CSTPP1: variants seen among roughly 807,000 people sequenced by gnomAD.
CSTPP1 encodes centriolar satellite-associated tubulin polyglutamylase complex regulator 1, also known as UPF0705 protein C11orf49.
chr11:46,969,011 C>T, the CSTPP1 span, among the ~76,000 whole-genome samples: 1 of 152,154 alleles, frequency 6.6e-6, no homozygotes, highest in Non-Finnish European at 1.5e-5. Context: ...AAACACTGTT[C>T]TTAGGCCTCT....
the CSTPP1 span, among the ~76,000 whole-genome samples, chr11:47,112,522 A>G: frequency 6.6e-6 from 1 of 152,076 alleles, no homozygotes; most frequent in Non-Finnish European, 1.5e-5. Flanking sequence ...GGTTTTCACC[A>G]TGTTGGCCAG....
the CSTPP1 span, among the ~76,000 whole-genome samples, chr11:47,157,433 C>T: frequency 6.6e-6 from 1 of 152,178 alleles, no homozygotes; most frequent in African/African-American, 2.4e-5. Flanking sequence ...CAGGCAAGAC[C>T]ACTGTAGTTG....
the CSTPP1 span, among the ~76,000 whole-genome samples, chr11:46,961,708 T>C: frequency 6.5e-3 from 983 of 152,320 alleles, 9 homozygotes; most frequent in African/African-American, 0.023. Context: ...GTATTAGCTT[T>C]TACATTTAGG....
the CSTPP1 span, among the ~76,000 whole-genome samples, chr11:46,989,960 C>A: frequency 6.6e-6 from 1 of 152,062 alleles, no homozygotes. Context: ...ATCCATGTTG[C>A]TACAAAGGAC....
the CSTPP1 span, among the ~76,000 whole-genome samples, chr11:47,113,274 T>C: frequency 6.6e-6 from 1 of 152,230 alleles, no homozygotes; most frequent in African/African-American, 2.4e-5. Flanking sequence ...AAGTCTTTGC[T>C]ATTGTGAATA....
At chr11:46,952,875 T>C in the CSTPP1 span, among the ~76,000 whole-genome samples, 9 of 152,376 alleles carry the variant, frequency 5.9e-5, no homozygotes, top group South Asian at 1.9e-3. Flanking sequence ...GAGGTAACTT[T>C]GCTGCTAAAT....
At chr11:47,161,557 C>G in the CSTPP1 span, 31 of 1,614,028 alleles carry the variant, frequency 1.9e-5, no homozygotes, top group Non-Finnish European at 2.5e-5. Context: ...TTGGCTCTCC[C>G]TGGAGACCTC....
the CSTPP1 span, among the ~76,000 whole-genome samples, chr11:47,017,234 GCGCAATCTTGGCT>G: frequency 6.8e-6 from 1 of 147,368 alleles, no homozygotes; most frequent in Non-Finnish European, 1.5e-5. Flanking sequence ...GAGTGCAGTG[GCGCAATCTTGGCT>G]CACTGCAACC....
At chr11:47,093,786 G>A in the CSTPP1 span, among the ~76,000 whole-genome samples, 3 of 152,208 alleles carry the variant, frequency 2.0e-5, no homozygotes, top group African/African-American at 7.2e-5. Flanking sequence ...GATAATGCAT[G>A]AGAATTGTCT....
the CSTPP1 span, among the ~76,000 whole-genome samples, chr11:47,140,853 C>T: frequency 2.6e-5 from 4 of 152,068 alleles, no homozygotes; most frequent in African/African-American, 9.7e-5. Context: ...GTAATCCCAG[C>T]ACTTTGGGAG....
chr11:47,012,697 A>G, the CSTPP1 span, among the ~76,000 whole-genome samples: 1 of 152,114 alleles, frequency 6.6e-6, no homozygotes, highest in African/African-American at 2.4e-5. Flanking sequence ...TGGATTCACG[A>G]TGGGAGCCCT....
chr11:47,067,126 T>C, the CSTPP1 span, among the ~76,000 whole-genome samples: 2 of 152,328 alleles, frequency 1.3e-5, no homozygotes, highest in Admixed American at 1.3e-4. Context: ...TAGCTTCAAA[T>C]ACTAATAGAT....
chr11:47,058,493 A>G, the CSTPP1 span, among the ~76,000 whole-genome samples: 1 of 152,238 alleles, frequency 6.6e-6, no homozygotes, highest in Non-Finnish European at 1.5e-5. Flanking sequence ...AATCATATAA[A>G]TATGCTTAAG....
chr11:47,083,239 T>C, the CSTPP1 span, among the ~76,000 whole-genome samples: 1 of 152,204 alleles, frequency 6.6e-6, no homozygotes, highest in Non-Finnish European at 1.5e-5. Context: ...GCTGCATCAC[T>C]TACAGTTTTC....
the CSTPP1 span, among the ~76,000 whole-genome samples, chr11:47,091,796 A>G: frequency 1.3e-5 from 2 of 152,334 alleles, no homozygotes; most frequent in East Asian, 3.9e-4. Context: ...GGGAAGTGAC[A>G]TGACATGGGG....
chr11:47,140,540 C>G, the CSTPP1 span, among the ~76,000 whole-genome samples: 1 of 152,158 alleles, frequency 6.6e-6, no homozygotes, highest in Non-Finnish European at 1.5e-5. Flanking sequence ...AAGTGATTCT[C>G]CTGCCTCAGC....
chr11:47,155,486 G>A, the CSTPP1 span: 13 of 582,818 alleles, frequency 2.2e-5, no homozygotes, highest in African/African-American at 5.6e-5. Flanking sequence ...ACTGAACACC[G>A]CAGTGTTTTC....
the CSTPP1 span, among the ~76,000 whole-genome samples, chr11:47,109,519 A>G: frequency 3.3e-5 from 5 of 152,204 alleles, no homozygotes; most frequent in African/African-American, 1.2e-4. Flanking sequence ...GATGCTTTGG[A>G]TAATCCAGTG....
the CSTPP1 span, among the ~76,000 whole-genome samples, chr11:47,064,969 C>T: frequency 1.3e-5 from 2 of 152,128 alleles, no homozygotes; most frequent in African/African-American, 4.8e-5. Flanking sequence ...GTCTTGAACT[C>T]CTGACCTTGT....
Sources: gnomAD v4.1 joint callset for allele counts (sites outside exome capture counted in the v4.1 genomes callset) on GRCh38, gnomAD v4.1.1 for gene constraint, MANE v1.5 for transcripts, NCBI Gene and HGNC (gene_info 2026-07-23, HGNC 2026-07-21) for gene names.